The following ATP5F1A variants were observed in gnomAD, a reference collection of about 807,000 sequenced individuals.
ATP5F1A encodes ATP synthase F1 subunit alpha.
Under a neutral mutation model 57.4 loss-of-function variants are expected in ATP5F1A, and 24 were observed. That is an observed-to-expected ratio of 0.42 (90% CI 0.30 to 0.59). ATP5F1A has a LOEUF of 0.59. ATP5F1A is among the 20% of genes least tolerant of loss of function. The probability of loss-of-function intolerance (pLI) is 0.19; values close to 1 mark genes in which losing one functional copy is unlikely to be tolerated. For synonymous variants in ATP5F1A, 251 were observed against 255.5 expected (o/e 0.98, Z 0.17); for missense variants, 494 against 707.9 (o/e 0.70, Z 3.43).
At chr18:46,090,117 G>T in intron 3 of ATP5F1A, 121 bp from the exon 4 acceptor site, 4 of 860,260 alleles carry the variant, frequency 4.6e-6, no homozygotes, top group South Asian at 2.2e-5. Flanking sequence ...CTTTTCACCT[G>T]GTTTATTCTT....
intron 1 of ATP5F1A, 53 bp from the exon 2 acceptor site, chr18:46,095,184 C>T (rs1204984605): frequency 3.9e-6 from 6 of 1,549,280 alleles, no homozygotes; most frequent in Non-Finnish European, 5.3e-6. Context: ...CTTTATAAAA[C>T]TTACAAGCTT....
rs777794859 is a variant in ATP5F1A at position 46,087,146 on chromosome 18, G to T, written c.1038C>A (p.Ser346=). The change falls in exon 8 of 12, where the codon TCC becomes TCA. Residue 346 remains serine, a synonymous_variant. Transcript: ENST00000398752. ...AYPGDVFYLH[S]RLLERAAKMN... ...TTTTGGCTGCTCTCTCCAGCAACCG[G>T]GAGTGTAGGTAGAACACATCACCAG... 6.2e-7 allele frequency: 1 copy of T among 1,614,074 alleles called. No homozygotes were observed. Among genetic ancestry groups the T allele is most frequent in the Admixed American group, 1.7e-5 (1 of 60,000 alleles).
intron 8 of ATP5F1A, chr18:46,086,737 A>C: frequency 1.7e-6 from 1 of 584,288 alleles, no homozygotes; most frequent in South Asian, 2.1e-5. Flanking sequence ...GAAGTGATAT[A>C]ATTTCTATTT....
Position 46,089,484 on chromosome 18 carries a change from A to G in ATP5F1A, c.650+82T>C, listed in dbSNP as rs1315397522. 4.0e-6 allele frequency: 6 copies of G among 1,512,778 alleles called. No homozygotes were observed. The African/African-American group carries it at 8.3e-5, about 21-fold the overall frequency. The allele number at this position is 1,512,778 out of a possible 1,614,324, so 93.7% of individuals were successfully genotyped here. ...ATTAGATTCTAATGTCCCCATTACC[A>G]TTTACCATTCCAAGACTAAAATATA... On this transcript the variant is annotated intron_variant, in intron 5 of 11. Coordinates refer to ENST00000398752, the MANE Select transcript of ATP5F1A (RefSeq NM_004046.6).
At position 46,080,802 on chromosome 18, in the gene ATP5F1A, G is replaced by C. The variant is rs909129875; in HGVS notation, c.*3480C>G. 1 of 151,736 alleles carries C rather than the reference G, an allele frequency of 6.6e-6. No individual in the cohort carries two copies. The highest frequency in any genetic ancestry group is 1.5e-5 in the Non-Finnish European group (1 of 67,976). 9.4% of individuals were successfully genotyped at this position (151,736 alleles called of 1,614,324 possible). ...TTAAAAATATCACATATTTTTAAAT[G>C]TGATATTTAAAAATCACATTTTTAA... On this transcript the variant is annotated 3_prime_UTR_variant, in exon 12 of 12. Coordinates refer to ENST00000398752, the MANE Select transcript of ATP5F1A (RefSeq NM_004046.6).
At chr18:46,103,319 A>G (rs535374832) in intron 1 of ATP5F1A, among the ~76,000 whole-genome samples, 1 of 132,682 alleles carries the variant, frequency 7.5e-6, no homozygotes, top group African/African-American at 2.5e-5. Context: ...TCAAAAAGAA[A>G]AGAAAAGGTC....
upstream of ATP5F1A, among the ~76,000 whole-genome samples, chr18:46,100,385 A>C: frequency 6.6e-6 from 1 of 152,228 alleles, no homozygotes; most frequent in East Asian, 1.9e-4. Context: ...CAGGGCATAC[A>C]CACAAACAGG....
chr18:46,093,592 G>C (rs540882457), intron 2 of ATP5F1A, among the ~76,000 whole-genome samples: 7 of 152,178 alleles, frequency 4.6e-5, no homozygotes, highest in Non-Finnish European at 7.4e-5. Context: ...GGGAGGCCAA[G>C]GTAGACGGAT....
chr18:46,091,860 G>T lies in ATP5F1A; in HGVS notation c.140-9C>A. On this transcript the variant is annotated splice_polypyrimidine_tract_variant and intron_variant, in intron 2 of 11. Transcript: ENST00000398752. ...GGACATCTCAGCAGTCCCTATGGAA[G>T]ACAATTCAATTCAATTAAAAAAATA... 6.2e-7 allele frequency: 1 copy of T among 1,604,026 alleles called. No individual in the cohort carries two copies. Among genetic ancestry groups the T allele is most frequent in the Non-Finnish European group, 8.5e-7 (1 of 1,177,000 alleles).
chr18:46,091,556 C>T, intron 3 of ATP5F1A, 126 bp downstream of exon 3: 2 of 1,060,372 alleles, frequency 1.9e-6, no homozygotes, highest in Non-Finnish European at 2.6e-6. Flanking sequence ...ATGATAATAA[C>T]AAGAAAAAAA....
In ATP5F1A at chr18:46,095,062, G is replaced by T. The variant is rs1910841432; in HGVS notation, c.130C>A (p.Gln44Lys). 6.2e-7 allele frequency: 1 copy of T among 1,611,066 alleles called. No individual in the cohort carries two copies. The highest frequency in any genetic ancestry group is 1.1e-5 in the South Asian group (1 of 90,600). The change falls in exon 2 of 12, where the codon CAA (glutamine) becomes AAA (lysine). Residue 44 changes from glutamine to lysine, a missense_variant. By Grantham distance (53) the Gln-to-Lys change is moderately conservative (BLOSUM62 1). This residue lies in a region of ATP5F1A where 142 missense variants were observed against 137.5 expected (regional missense o/e 1.03). Coordinates refer to ENST00000398752, the MANE Select transcript of ATP5F1A (RefSeq NM_004046.6). ...RNFHASNTHLQKTGTAEMSSI... is the reference protein window; with the variant it reads ...RNFHASNTHLKKTGTAEMSSI... The stretch of plus-strand genomic sequence containing the variant: ...AGAAATAATAACTTACCAGTCTTTT[G>T]AAGATGAGTGTTAGAGGCATGGAAG...
Position 46,088,241 on chromosome 18 carries a change from T to C in ATP5F1A, c.667A>G (p.Ile223Val), listed in dbSNP as rs77958705. ...CGTTTCTGGTTAATGATTGTGTCAA[T>C]AGCAATTGAGGTTTTCCTTTAAAAA... ...DRQTGKTSIA[I>V]DTIINQKRFN... Residue 223 changes from isoleucine to valine, a missense_variant, in exon 6 of 12, where the codon ATT becomes GTT. Physicochemically the swap from Ile to Val is conservative, Grantham distance 29 (BLOSUM62 3). Transcript: ENST00000398752. 20,101 of 1,583,818 alleles carry C rather than the reference T, an allele frequency of 0.013. 187 individuals carry two copies. The highest frequency in any genetic ancestry group is 0.015 in the Non-Finnish European group (17,785 of 1,172,698).
chr18:46,097,886 C>G, intron 1 of ATP5F1A: 1 of 1,220,294 alleles, frequency 8.2e-7, no homozygotes, highest in African/African-American at 1.6e-5. Flanking sequence ...GACCTTCACC[C>G]AAGATCCCCC....
At chr18:46,094,491 A>T (rs758305674) in intron 2 of ATP5F1A, among the ~76,000 whole-genome samples, 18 of 152,104 alleles carry the variant, frequency 1.2e-4, no homozygotes, top group Non-Finnish European at 2.6e-4. Context: ...ACATGGTGAA[A>T]CCTTGTCTCT....
intron 2 of ATP5F1A, among the ~76,000 whole-genome samples, chr18:46,092,617 T>TTATATATA (rs10524147): frequency 6.3e-4 from 92 of 146,456 alleles, no homozygotes; most frequent in African/African-American, 2.1e-3. Context: ...CACACAAAAA[T>TTATATATA]TATATATATA....
In ATP5F1A at chr18:46,080,984, G is replaced by C. The variant is rs1232221337; in HGVS notation, c.*3298C>G. The C allele has an allele frequency of 6.6e-6, 1 of 151,056 alleles. No homozygotes were observed. 9.4% of individuals were successfully genotyped at this position (151,056 alleles called of 1,614,324 possible). ...GTCTCTACTAAAAATACAAAAATTA[G>C]CCAGGCATGGTGGTGCACACCTATA... On this transcript the variant is annotated 3_prime_UTR_variant, in exon 12 of 12. Transcript: ENST00000398752.
Position 46,084,523 on chromosome 18 carries a change from C to T in ATP5F1A, c.1561G>A (p.Ala521Thr). ...FLSHVVSQHQ[A>T]LLGTIRADGK... is the part of the protein sequence containing the mutation. ...TCATACCTGATAGTGCCCAACAAGG[C>T]TTGGTGCTGGCTGACGACATGAGAC... The change falls in exon 11 of 12, where the codon GCC becomes ACC. Residue 521 changes from alanine to threonine, a missense_variant. Physicochemically the swap from Ala to Thr is moderately conservative, Grantham distance 58 (BLOSUM62 0). Coordinates refer to ENST00000398752, the MANE Select transcript of ATP5F1A (RefSeq NM_004046.6). 6.2e-7 allele frequency: 1 copy of T among 1,602,278 alleles called. No individual in the cohort carries two copies. Among genetic ancestry groups the T allele is most frequent in the Non-Finnish European group, 8.5e-7 (1 of 1,176,850 alleles).
At chr18:46,089,010 T>G (rs1910339207) in intron 5 of ATP5F1A, among the ~76,000 whole-genome samples, 1 of 151,964 alleles carries the variant, frequency 6.6e-6, no homozygotes, top group Non-Finnish European at 1.5e-5. Context: ...TTCCTTAAAC[T>G]TATTTATGAC....
chr18:46,092,979 T>A (rs577701174), intron 2 of ATP5F1A, among the ~76,000 whole-genome samples: 1 of 151,096 alleles, frequency 6.6e-6, no homozygotes, highest in Admixed American at 6.6e-5. Context: ...GAAACCCCCA[T>A]CTCTACTAAA....
Sources: allele counts gnomAD v4.1 joint callset (sites outside exome capture counted in the v4.1 genomes callset), GRCh38; gene constraint gnomAD v4.1.1; regional missense constraint gnomAD v4.1.1; transcripts MANE v1.5; gene names NCBI Gene and HGNC (gene_info 2026-07-23, HGNC 2026-07-21).